Variants in ZDHHC20 observed in about 807,000 individuals in gnomAD.
ZDHHC20 encodes zDHHC palmitoyltransferase 20.
In ZDHHC20, 43 loss-of-function variants were observed where a neutral mutation model predicts 57.8. That is an observed-to-expected ratio of 0.74 (90% confidence interval 0.58 to 0.96). ZDHHC20 has a LOEUF of 0.96. ZDHHC20 is among the 40% of genes least tolerant of loss of function. ZDHHC20 has a pLI of 0.00. For missense variants in ZDHHC20, 391 were observed against 441.1 expected (o/e 0.89, Z 1.02); for synonymous variants, 157 against 153.0 (o/e 1.03, Z -0.19).
intron 4 of ZDHHC20, among the ~76,000 whole-genome samples, chr13:21,412,505 A>G (rs1451387971): frequency 6.6e-6 from 1 of 152,190 alleles, no homozygotes; most frequent in Non-Finnish European, 1.5e-5. Context: ...CAAAAACAGA[A>G]GTATAAAACT....
At position 21,376,540 on chromosome 13, in the gene ZDHHC20, C is replaced by A. The variant is rs1338026858; in HGVS notation, c.*156G>T. The A allele has an allele frequency of 1.2e-6, 1 of 860,112 alleles. No individual in the cohort carries two copies. The highest frequency in any genetic ancestry group is 1.7e-6 in the Non-Finnish European group (1 of 590,986). 53.3% of individuals were successfully genotyped at this position (860,112 alleles called of 1,614,324 possible). A position where few individuals can be genotyped will look rare whatever the true frequency, so the allele number is the denominator to read the frequency against. On this transcript the variant is annotated 3_prime_UTR_variant, in exon 13 of 13. Transcript: ENST00000400590. ...GCTTCTGTGAATCCCAGGAACTGTA[C>A]AAAGGCTTTCCGTTTTAAAAAATAT...
At chr13:21,409,085 T>G (rs2137837089) in intron 4 of ZDHHC20, among the ~76,000 whole-genome samples, 1 of 152,324 alleles carries the variant, frequency 6.6e-6, no homozygotes, top group South Asian at 2.1e-4. Flanking sequence ...TTGTCACATC[T>G]CTGCTAGGTT....
chr13:21,395,097 C>T (rs1876541408), intron 7 of ZDHHC20, among the ~76,000 whole-genome samples: 2 of 149,040 alleles, frequency 1.3e-5, no homozygotes, highest in African/African-American at 2.5e-5. Flanking sequence ...GATAGAGTCT[C>T]GATCTGTAGC....
At chr13:21,457,502 T>G (rs1885023244) in intron 1 of ZDHHC20, among the ~76,000 whole-genome samples, 1 of 152,154 alleles carries the variant, frequency 6.6e-6, no homozygotes, top group South Asian at 2.1e-4. Flanking sequence ...CAAACATCAT[T>G]TTTAGTAAAC....
chr13:21,445,655 T>G (rs1383408118), intron 1 of ZDHHC20, among the ~76,000 whole-genome samples: 1 of 152,198 alleles, frequency 6.6e-6, no homozygotes, highest in Non-Finnish European at 1.5e-5. Flanking sequence ...CCTCTTCTAC[T>G]AGCATGCGAA....
chr13:21,433,138 T>C (rs1882166697), intron 1 of ZDHHC20, among the ~76,000 whole-genome samples: 1 of 152,150 alleles, frequency 6.6e-6, no homozygotes, highest in Non-Finnish European at 1.5e-5. Context: ...TATTTTTACC[T>C]TTTTTAGAGA....
intron 7 of ZDHHC20, among the ~76,000 whole-genome samples, chr13:21,395,843 G>A (rs1480674578): frequency 6.6e-6 from 1 of 151,868 alleles, no homozygotes; most frequent in East Asian, 1.9e-4. Context: ...TGGCATCTGG[G>A]GCCTCACTAA....
intron 9 of ZDHHC20, 43 bp downstream of exon 9, chr13:21,387,465 C>T (rs201298788): frequency 5.0e-6 from 7 of 1,413,564 alleles, no homozygotes; most frequent in Non-Finnish European, 6.5e-6. Flanking sequence ...AAAGAGACTA[C>T]CACAGATGCC....
rs1270741443 is a variant in ZDHHC20 at position 21,374,449 on chromosome 13, A to C, written c.*2247T>G. On this transcript the variant is annotated 3_prime_UTR_variant, in exon 13 of 13. Coordinates refer to ENST00000400590, the MANE Select transcript of ZDHHC20 (RefSeq NM_001330059.2). ...AGGGTTTTGCCATTTTGACCAGGCTAATCTCGAACCCCTGACCTCAGGTGA... is the reference window on the plus strand; with the variant it reads ...AGGGTTTTGCCATTTTGACCAGGCTCATCTCGAACCCCTGACCTCAGGTGA... 2.2e-6 allele frequency: 1 copy of C among 455,116 alleles called. No individual in the cohort carries two copies. The highest frequency in any genetic ancestry group is 4.4e-6 in the Non-Finnish European group (1 of 226,396). 28.2% of individuals were successfully genotyped at this position (455,116 alleles called of 1,614,324 possible).
Position 21,401,633 on chromosome 13 carries a change from TTC to T in ZDHHC20, c.473+18_473+19del, listed in dbSNP as rs759116834. 21 of 1,532,344 alleles carry T rather than the reference TTC, an allele frequency of 1.4e-5. No homozygotes were observed. Among genetic ancestry groups the T allele is most frequent in the Non-Finnish European group, 4.4e-6 (5 of 1,142,224 alleles). The allele number at this position is 1,532,344 out of a possible 1,614,324, so 94.9% of individuals were successfully genotyped here. On this transcript the variant is annotated intron_variant, in intron 6 of 12. Transcript: ENST00000400590. The stretch of plus-strand genomic sequence containing the variant: ...TCTCTCTCACCACCAATGCAATTTC[TTC>T]TGTTTTTTTATACATACCAAGGACA...
intron 4 of ZDHHC20, among the ~76,000 whole-genome samples, chr13:21,412,557 T>C (rs190984938): frequency 6.6e-6 from 1 of 151,852 alleles, no homozygotes; most frequent in East Asian, 1.9e-4. Flanking sequence ...GAAGACAGAA[T>C]GACAAAACGC....
chr13:21,452,771 C>A (rs1288134018), intron 1 of ZDHHC20, among the ~76,000 whole-genome samples: 2 of 151,966 alleles, frequency 1.3e-5, no homozygotes, highest in African/African-American at 4.8e-5. Context: ...CTCAAAGACA[C>A]ATGTTATAAG....
intron 4 of ZDHHC20, among the ~76,000 whole-genome samples, chr13:21,410,208 A>G (rs149017034): frequency 0.011 from 1,744 of 152,284 alleles, 20 homozygotes; most frequent in African/African-American, 0.039. Flanking sequence ...GGGTATCACC[A>G]GCGGAGGCTG....
intron 1 of ZDHHC20, among the ~76,000 whole-genome samples, chr13:21,435,758 G>A (rs1303896526): frequency 6.6e-6 from 1 of 152,182 alleles, no homozygotes; most frequent in Non-Finnish European, 1.5e-5. Flanking sequence ...AGGAGTAAGT[G>A]AAAGTAATAA....
At chr13:21,441,645 C>T (rs966105304) in intron 1 of ZDHHC20, among the ~76,000 whole-genome samples, 2 of 148,356 alleles carry the variant, frequency 1.3e-5, no homozygotes, top group Non-Finnish European at 3.0e-5. Flanking sequence ...CCTCGTGATC[C>T]GCCCACCTCA....
At chr13:21,424,698 G>A (rs909848492) in intron 2 of ZDHHC20, among the ~76,000 whole-genome samples, 6 of 144,302 alleles carry the variant, frequency 4.2e-5, no homozygotes, top group African/African-American at 9.9e-5. Flanking sequence ...GCAACAGAGC[G>A]AGACTCTGTC....
chr13:21,391,998 G>A, intron 7 of ZDHHC20, 144 bp from the exon 8 acceptor site: 2 of 939,562 alleles, frequency 2.1e-6, no homozygotes, highest in Non-Finnish European at 3.1e-6. Flanking sequence ...AATGCAACAA[G>A]GGCAAAAGCA....
intron 1 of ZDHHC20, among the ~76,000 whole-genome samples, chr13:21,453,670 T>C (rs561889676): frequency 2.6e-5 from 4 of 152,060 alleles, no homozygotes; most frequent in South Asian, 2.1e-4. Flanking sequence ...CAGAAAGATA[T>C]CTGGAAAACC....
At chr13:21,433,957 T>C (rs1392978091) in intron 1 of ZDHHC20, among the ~76,000 whole-genome samples, 1 of 152,208 alleles carries the variant, frequency 6.6e-6, no homozygotes, top group African/African-American at 2.4e-5. Flanking sequence ...AAATATGTTT[T>C]AGTTTTTTTA....
Sources: allele counts gnomAD v4.1 joint callset (sites outside exome capture counted in the v4.1 genomes callset), GRCh38; gene constraint gnomAD v4.1.1; transcripts MANE v1.5; gene names NCBI Gene and HGNC (gene_info 2026-07-23, HGNC 2026-07-21).